The following IGSF22 variants were observed in gnomAD, a reference collection of about 807,000 sequenced individuals.
IGSF22 encodes the protein immunoglobulin superfamily member 22.
IGSF22 carries 119 observed loss-of-function variants against 127.0 expected under a neutral mutation model. The ratio of observed to expected loss-of-function variants is 0.94; its 90% CI spans 0.81 to 1.09. The LOEUF (loss-of-function observed/expected upper bound fraction) is 1.09, where lower values mean the gene tolerates loss of function less well. IGSF22 is among the 50% of genes least tolerant of loss of function. The pLI is 0.00. For synonymous variants in IGSF22, 568 were observed against 664.7 expected, an observed-to-expected ratio of 0.85 and a Z score of 2.24; for missense variants, 1,518 against 1,716.6, an observed-to-expected ratio of 0.88 and a Z score of 2.04.
intron 15 of IGSF22, 101 bp downstream of exon 15, chr11:18,711,981 A>C: frequency 1.0e-6 from 1 of 977,216 alleles, no homozygotes. Flanking sequence ...AGCCAGAGAG[A>C]TGTTCCTGTG....
Position 18,714,306 on chromosome 11 carries a change from G to C in IGSF22, c.1769C>G (p.Thr590Arg). The C allele has an allele frequency of 1.2e-6, 2 of 1,614,148 alleles. No individual in the cohort carries two copies. The highest frequency in any genetic ancestry group is 1.7e-6 in the Non-Finnish European group (2 of 1,180,004). The change falls in exon 13 of 23, where the codon ACG (threonine) becomes AGG (arginine). Residue 590 changes from threonine (T) to arginine (R), a missense_variant. This residue lies in a region of IGSF22 where 1,456 missense variants were observed against 1,644.9 expected (regional missense o/e 0.89). Transcript: ENST00000513874. Reference protein sequence around the residue: ...EGKYTFRAKGTESEASVFIAD... With the variant: ...EGKYTFRAKGRESEASVFIAD... ...GATGAATACAGAGGCTTCACTTTCCGTGCCCTTGGCCCGGAATGTGTACTT... is the reference window on the plus strand; with the variant it reads ...GATGAATACAGAGGCTTCACTTTCCCTGCCCTTGGCCCGGAATGTGTACTT...
intron 4 of IGSF22, among the ~76,000 whole-genome samples, chr11:18,720,928 G>C (rs942680710): frequency 4.6e-5 from 7 of 152,150 alleles, no homozygotes; most frequent in African/African-American, 1.7e-4. Context: ...AATCGGGTCA[G>C]GACCCGAGTG....
rs1270163553 is a variant in IGSF22, at chr11:18,707,215, T to C, written c.3281-2A>G. 11 of 1,516,510 alleles carry C rather than the reference T, an allele frequency of 7.3e-6. No individual in the cohort carries two copies. Among genetic ancestry groups the C allele is most frequent in the Non-Finnish European group, 9.8e-6 (11 of 1,126,724 alleles). The allele number at this position is 1,516,510 out of a possible 1,614,324, so 93.9% of individuals were successfully genotyped here. ...GGTTTGTGGGGGGCCGAGGGAAATC[T>C]GGAAGAGTTGGAAGATCTGTCAGCG... On this transcript the variant is annotated splice_acceptor_variant, in intron 20 of 22. Transcript: ENST00000513874. LOFTEE classifies it high-confidence loss of function.
At chr11:18,723,036 T>C (rs954719240) in intron 2 of IGSF22, among the ~76,000 whole-genome samples, 1 of 152,236 alleles carries the variant, frequency 6.6e-6, no homozygotes, top group African/African-American at 2.4e-5. Context: ...TGTATTCCCA[T>C]ATGGCAACAG....
intron 16 of IGSF22, 88 bp downstream of exon 16, chr11:18,710,558 CCAGAAGAGT>C (rs1848333676): frequency 6.3e-7 from 1 of 1,586,398 alleles, no homozygotes; most frequent in Non-Finnish European, 8.6e-7. Flanking sequence ...GTTAAAACTT[CCAGAAGAGT>C]TGGATGAGGG....
chr11:18,704,965 C>A (rs1164861142), intron 22 of IGSF22, among the ~76,000 whole-genome samples: 3 of 152,216 alleles, frequency 2.0e-5, no homozygotes, highest in Non-Finnish European at 4.4e-5. Flanking sequence ...AGCTCAGCAG[C>A]CTCTCTGGAG....
At position 18,716,687 on chromosome 11, in the gene IGSF22, G is replaced by A; in HGVS notation, c.1246+41C>T. On this transcript the variant is annotated intron_variant, in intron 10 of 22. Coordinates refer to ENST00000513874, the MANE Select transcript of IGSF22 (RefSeq NM_173588.4). This position sits in a 1 kb window ranked among gnomAD's most constrained non-coding sequence, Gnocchi z 4.5. ...TGACTACCTGCATGGAGGTTGCTGT[G>A]CCATAAAGCCCACCCCTTAGGCTCT... 1 of 1,596,234 alleles carries A rather than the reference G, an allele frequency of 6.3e-7. No homozygotes were observed. The highest frequency in any genetic ancestry group is 1.3e-5 in the African/African-American group (1 of 74,622).
rs755210174 is a variant in IGSF22, at chr11:18,707,895, A to C, written c.3189T>G (p.Asn1063Lys). Residue 1063 changes from asparagine (N) to lysine (K), a missense_variant, in exon 20 of 23, where the codon AAT (asparagine) becomes AAG (lysine). Physicochemically the swap from Asn to Lys is moderately conservative, Grantham distance 94 (BLOSUM62 0). Around this residue, in one of 3 missense-constraint regions of IGSF22, gnomAD observed 1,456 missense variants for 1,644.9 expected, o/e 0.89. Coordinates refer to ENST00000513874, the MANE Select transcript of IGSF22 (RefSeq NM_173588.4). ...KSKNHSQFLI[N>K]STKRSDSGVY... The stretch of plus-strand genomic sequence containing the variant: ...CCCCTGAGTCAGAGCGCTTGGTGCT[A>C]TTAATGAGGAACTGGGAGTGGTTTT... 2 of 1,614,182 alleles carry C rather than the reference A, an allele frequency of 1.2e-6. No homozygotes were observed. Among genetic ancestry groups the C allele is most frequent in the East Asian group, 4.5e-5 (2 of 44,882 alleles).
chr11:18,711,954 G>T, intron 15 of IGSF22, 128 bp downstream of exon 15: 1 of 775,216 alleles, frequency 1.3e-6, no homozygotes, highest in Non-Finnish European at 2.1e-6. Flanking sequence ...CTCTGGAATC[G>T]GTCTGTCTCA....
rs1214166167 is a variant in IGSF22, at chr11:18,719,722, C to G, written c.690G>C (p.Glu230Asp). 10 of 1,614,102 alleles carry G rather than the reference C, an allele frequency of 6.2e-6. 1 individual carries two copies. The East Asian group carries it at 2.2e-4, about 36-fold the overall frequency. Residue 230 changes from glutamate (E) to aspartate (D), a missense_variant, in exon 7 of 23, where the codon GAG becomes GAC. By Grantham distance (45) the Glu-to-Asp change is conservative. Around this residue, in one of 3 missense-constraint regions of IGSF22, gnomAD observed 1,456 missense variants for 1,644.9 expected, o/e 0.89. Coordinates refer to ENST00000513874, the MANE Select transcript of IGSF22 (RefSeq NM_173588.4). The stretch of plus-strand genomic sequence containing the variant: ...CTCCCTGCAGGGTACTTACCTCCAC[C>G]TCTACTTTCTTCTTCATCTCTTTGA... ...RKLKEMKKKV[E>D]VEAIRILKPL...
chr11:18,710,395 G>C lies in IGSF22; in HGVS notation c.2633C>G (p.Ala878Gly), dbSNP rs1848329971. ...CTGTCCAGGGCCTGCCTTATTTACA[G>C]CTATAACTCGGAATTCATATTCTGT... is the stretch of plus-strand genomic sequence containing the variant. ...EDTEYEFRVI[A>G]VNKAGPGQPS... The change falls in exon 17 of 23, where the codon GCT (alanine) becomes GGT (glycine). Residue 878 changes from alanine (A) to glycine (G), a missense_variant. Transcript: ENST00000513874. 3 of 1,614,188 alleles carry C rather than the reference G, an allele frequency of 1.9e-6. No individual in the cohort carries two copies.
Position 18,717,917 on chromosome 11 carries a change from G to T in IGSF22, c.973+14C>A. The T allele has an allele frequency of 6.2e-7, 1 of 1,609,374 alleles. No individual in the cohort carries two copies. Among genetic ancestry groups the T allele is most frequent in the Non-Finnish European group, 8.5e-7 (1 of 1,176,654 alleles). ...ACATGTCCTCCTTGTGCCCTTGCAT[G>T]CCCCCACTCATACCCAGCACTGTGA... On this transcript the variant is annotated intron_variant, in intron 9 of 22. Coordinates refer to ENST00000513874, the MANE Select transcript of IGSF22 (RefSeq NM_173588.4).
intron 19 of IGSF22, 66 bp downstream of exon 19, chr11:18,708,141 G>A: frequency 1.3e-6 from 2 of 1,531,102 alleles, no homozygotes; most frequent in Non-Finnish European, 1.8e-6. Context: ...CAGAGACTGT[G>A]ATGGCTACAA....
chr11:18,724,303 CAG>C, intron 1 of IGSF22, 34 bp from the exon 2 acceptor site: 1 of 1,122,952 alleles, frequency 8.9e-7, no homozygotes, highest in South Asian at 1.3e-5. Context: ...AAGGACAAGA[CAG>C]GGAGTAGGAG....
Position 18,714,600 on chromosome 11 carries a change from C to T in IGSF22, c.1556G>A (p.Gly519Glu), listed in dbSNP as rs781659543. 5 of 1,614,038 alleles carry T rather than the reference C, an allele frequency of 3.1e-6. No homozygotes were observed. Among genetic ancestry groups the T allele is most frequent in the Non-Finnish European group, 3.4e-6 (4 of 1,180,058 alleles). Residue 519 changes from glycine (G) to glutamate (E), a missense_variant, in exon 12 of 23, where the codon GGG (glycine) becomes GAG (glutamate). Gly to Glu is a moderately conservative substitution (Grantham distance 98). This residue lies in a region of IGSF22 where 1,456 missense variants were observed against 1,644.9 expected (regional missense o/e 0.89). Coordinates refer to ENST00000513874, the MANE Select transcript of IGSF22 (RefSeq NM_173588.4). ...AGTGGCCGCGTGCACGTCGGACATC[C>T]CGCTCTTCACTGTGGCCAGACGCTC... is the stretch of plus-strand genomic sequence containing the variant. ...VEERLATVKS[G>E]MSDVHAATGS...
rs1848459488 is a variant in IGSF22, at chr11:18,716,146, T to TCTCCCTCATTCTTTGAAAGCGGAACTC, written c.1247-457_1247-431dup. On this transcript the variant is annotated intron_variant, in intron 10 of 22. Coordinates refer to ENST00000513874, the MANE Select transcript of IGSF22 (RefSeq NM_173588.4). The surrounding 1 kb of genome is among the most constrained non-coding windows in gnomAD (Gnocchi z 4.5). ...TACCTCTGCTGGGGATGTTCTCTAC[T>TCTCCCTCATTCTTTGAAAGCGGAACTC]CTCCCTCATTCTTTGAAAGCGGAAC... is the stretch of plus-strand genomic sequence containing the variant. Among the ~76,000 whole-genome samples, 1 of 152,190 alleles carries TCTCCCTCATTCTTTGAAAGCGGAACTC rather than the reference T, an allele frequency of 6.6e-6. No homozygotes were observed. Among genetic ancestry groups the TCTCCCTCATTCTTTGAAAGCGGAACTC allele is most frequent in the Non-Finnish European group, 1.5e-5 (1 of 68,034 alleles).
At chr11:18,712,457 A>T in intron 14 of IGSF22, 73 bp from the exon 15 acceptor site, 1 of 1,356,400 alleles carries the variant, frequency 7.4e-7, no homozygotes, top group Non-Finnish European at 1.0e-6. Context: ...CACTCACCAA[A>T]GGTCTGCCCA....
At position 18,710,428 on chromosome 11, in the gene IGSF22, A is replaced by G. The variant is rs751154290; in HGVS notation, c.2600T>C (p.Leu867Pro). The G allele has an allele frequency of 1.2e-6, 2 of 1,614,210 alleles. No individual in the cohort carries two copies. Among genetic ancestry groups the G allele is most frequent in the East Asian group, 2.2e-5 (1 of 44,886 alleles). Residue 867 changes from leucine to proline, a missense_variant, in exon 17 of 23, where the codon CTG becomes CCG. This residue lies in a region of IGSF22 where 1,456 missense variants were observed against 1,644.9 expected (regional missense o/e 0.89). Coordinates refer to ENST00000513874, the MANE Select transcript of IGSF22 (RefSeq NM_173588.4). The stretch of plus-strand genomic sequence containing the variant: ...TCGGAATTCATATTCTGTGTCCTCC[A>G]GGAGACCATCCACAGTGCACTTGGT... ...QGTKCTVDGL[L>P]EDTEYEFRVI...
rs2134154966 is a variant in IGSF22 at position 18,705,941 on chromosome 11, G to T, written c.3786C>A (p.Asn1262Lys). 2.6e-6 allele frequency: 4 copies of T among 1,551,760 alleles called. No homozygotes were observed. The highest frequency in any genetic ancestry group is 4.9e-5 in the East Asian group (2 of 40,924). ...NITANSKFWY[N>K]STSGVCTLVI... Reference sequence around the variant, plus strand: ...CGAGGGTGCACACGCCGCTGGTGGAGTTGTACCAGAACTTGGAGTTGGCCG... The same window carrying T: ...CGAGGGTGCACACGCCGCTGGTGGATTTGTACCAGAACTTGGAGTTGGCCG... The change falls in exon 22 of 23, where the codon AAC becomes AAA. Residue 1262 changes from asparagine (N) to lysine (K), a missense_variant. Physicochemically the swap from Asn to Lys is moderately conservative, Grantham distance 94 (BLOSUM62 0). Coordinates refer to ENST00000513874, the MANE Select transcript of IGSF22 (RefSeq NM_173588.4).
Sources: gnomAD v4.1 joint callset for allele counts (sites outside exome capture counted in the v4.1 genomes callset) on GRCh38, gnomAD v4.1.1 for gene constraint, gnomAD v4.1.1 regional missense constraint, Gnocchi (gnomAD v3.1) non-coding constraint, MANE v1.5 for transcripts, NCBI Gene and HGNC (gene_info 2026-07-23, HGNC 2026-07-21) for gene names.